PCSK9: variants seen among roughly 807,000 people sequenced by gnomAD.
PCSK9 encodes the protein convertase subtilisin/kexin type 9 preproprotein.
In PCSK9, 57 loss-of-function variants were observed where a neutral mutation model predicts 62.1. The observed-to-expected ratio is 0.92, with a 90% CI of 0.74 to 1.14. The LOEUF (loss-of-function observed/expected upper bound fraction) is 1.14, where lower values mean the gene tolerates loss of function less well. Ranked by LOEUF, PCSK9 falls within the 50% of genes most tolerant of loss-of-function variation. The probability of loss-of-function intolerance (pLI) is 0.00; values close to 1 mark genes in which losing one functional copy is unlikely to be tolerated. For synonymous variants in PCSK9, 387 were observed against 409.4 expected (o/e 0.95, Z 0.66); for missense variants, 870 against 959.8 (o/e 0.91, Z 1.24).
rs371336612 is a variant in PCSK9, at chr1:55,052,648, A to C, written c.658-2A>C. On this transcript the variant is annotated splice_acceptor_variant, in intron 4 of 11. Coordinates refer to ENST00000302118, the MANE Select transcript of PCSK9 (RefSeq NM_174936.4). LOFTEE classifies it high-confidence loss of function. ...CATGTGGTCCTTGTGTTCGTCGAGC[A>C]GGCCAGCAAGTGTGACAGTCATGGC... 5.6e-6 allele frequency: 9 copies of C among 1,612,762 alleles called. No individual in the cohort carries two copies. Among genetic ancestry groups the C allele is most frequent in the Admixed American group, 1.7e-5 (1 of 59,990 alleles).
chr1:55,048,134 T>C (rs1038279604), intron 3 of PCSK9, among the ~76,000 whole-genome samples: 2 of 152,102 alleles, frequency 1.3e-5, no homozygotes, highest in African/African-American at 4.8e-5. Flanking sequence ...AGGACCACTT[T>C]CTCCCGGGGG....
intron 10 of PCSK9, among the ~76,000 whole-genome samples, chr1:55,060,414 G>A (rs1412498117): frequency 6.6e-6 from 1 of 152,166 alleles, no homozygotes; most frequent in Admixed American, 6.5e-5. Flanking sequence ...ACGTCCAGGG[G>A]AACCACTGAG....
rs1644788631 is a variant in PCSK9 at position 55,064,661 on chromosome 1, C to T, written c.*1077C>T. ...CGGGGGAGAGGGCCAACAACTGTCCCTCCTTGAGCACCAGCCCCACCCAAG... is the reference window on the plus strand; with the variant it reads ...CGGGGGAGAGGGCCAACAACTGTCCTTCCTTGAGCACCAGCCCCACCCAAG... On this transcript the variant is annotated 3_prime_UTR_variant, in exon 12 of 12. Coordinates refer to ENST00000302118, the MANE Select transcript of PCSK9 (RefSeq NM_174936.4). 6.6e-6 allele frequency: 1 copy of T among 152,216 alleles called. No individual in the cohort carries two copies. Among genetic ancestry groups the T allele is most frequent in the African/African-American group, 2.4e-5 (1 of 41,438 alleles). 9.4% of individuals were successfully genotyped at this position (152,216 alleles called of 1,614,324 possible).
chr1:55,046,724 T>C, intron 3 of PCSK9, 78 bp downstream of exon 3: 1 of 1,569,940 alleles, frequency 6.4e-7, no homozygotes, highest in Non-Finnish European at 8.7e-7. Flanking sequence ...GCCTCCCTGC[T>C]GGTGGTTTCC....
At position 55,047,797 on chromosome 1, in the gene PCSK9, G is replaced by A. The variant is rs187408994; in HGVS notation, c.523+1151G>A. On this transcript the variant is annotated intron_variant, in intron 3 of 11. Coordinates refer to ENST00000302118, the MANE Select transcript of PCSK9 (RefSeq NM_174936.4). ...CCTGGTCGGTCATGTGTGCTGACCC[G>A]GCCTGGGCAGCCTGTGGCCAGGGAG... Among the ~76,000 whole-genome samples the A allele has an allele frequency of 2.5e-3, 379 of 152,300 alleles. 2 individuals are homozygous for A. Among genetic ancestry groups the A allele is most frequent in the South Asian group, 0.011 (51 of 4,828 alleles).
chr1:55,057,414 C>T lies in PCSK9; in HGVS notation c.1080C>T (p.Asp360=). The change falls in exon 7 of 12, where the codon GAC becomes GAT. Residue 360 remains aspartate, a synonymous_variant. Transcript: ENST00000302118. ...TLGTNFGRCV[D]LFAPGEDIIG... is the part of the protein sequence containing the mutation. ...GGACCAACTTTGGCCGCTGTGTGGA[C>T]CTCTTTGCCCCAGGGGAGGACATCA... 6.2e-7 allele frequency: 1 copy of T among 1,614,166 alleles called. No individual in the cohort carries two copies. The highest frequency in any genetic ancestry group is 8.5e-7 in the Non-Finnish European group (1 of 1,180,050).
At position 55,063,697 on chromosome 1, in the gene PCSK9, G is replaced by C. The variant is rs1286923206; in HGVS notation, c.*113G>C. 8.0e-7 allele frequency: 1 copy of C among 1,256,832 alleles called. No homozygotes were observed. The allele number at this position is 1,256,832 out of a possible 1,614,324, so 77.9% of individuals were successfully genotyped here. On this transcript the variant is annotated 3_prime_UTR_variant, in exon 12 of 12. Transcript: ENST00000302118. ...TCCATGGCCTGGCACGAGGGGATGGGGATGCTTCCGCCTTTCCGGGGCTGC... is the reference window on the plus strand; with the variant it reads ...TCCATGGCCTGGCACGAGGGGATGGCGATGCTTCCGCCTTTCCGGGGCTGC...
rs779641062 is a variant in PCSK9 at position 55,063,665 on chromosome 1, T to C, written c.*81T>C. ...AAAATGGTTCCGACTTGTCCCTCTC[T>C]CAGCCCTCCATGGCCTGGCACGAGG... On this transcript the variant is annotated 3_prime_UTR_variant, in exon 12 of 12. Coordinates refer to ENST00000302118, the MANE Select transcript of PCSK9 (RefSeq NM_174936.4). 4.8e-6 allele frequency: 7 copies of C among 1,456,084 alleles called. No homozygotes were observed. Among genetic ancestry groups the C allele is most frequent in the Non-Finnish European group, 6.5e-6 (7 of 1,081,392 alleles). 90.2% of individuals were successfully genotyped at this position (1,456,084 alleles called of 1,614,324 possible). A position where few individuals can be genotyped will look rare whatever the true frequency, so the allele number is the denominator to read the frequency against.
chr1:55,052,843 A>C (rs1644686122), intron 5 of PCSK9, 52 bp downstream of exon 5: 1 of 1,612,210 alleles, frequency 6.2e-7, no homozygotes, highest in African/African-American at 1.3e-5. Context: ...CTGGCCTGGG[A>C]GGTGGCTTGG....
chr1:55,059,546 G>A lies in PCSK9; in HGVS notation c.1564G>A (p.Ala522Thr), dbSNP rs777300852. The A allele has an allele frequency of 1.7e-5, 26 of 1,560,200 alleles. No homozygotes were observed. The highest frequency in any genetic ancestry group is 1.4e-4 in the East Asian group (6 of 42,384). The change falls in exon 10 of 12, where the codon GCC becomes ACC. Residue 522 changes from alanine to threonine, a missense_variant. Physicochemically the swap from Ala to Thr is moderately conservative, Grantham distance 58 (BLOSUM62 0). Coordinates refer to ENST00000302118, the MANE Select transcript of PCSK9 (RefSeq NM_174936.4). ...HNAFGGEGVYAIARCCLLPQA... is the reference protein window; with the variant it reads ...HNAFGGEGVYTIARCCLLPQA... Reference sequence around the variant, plus strand: ...CGCTTTTGGGGGTGAGGGTGTCTACGCCATTGCCAGGTGCTGCCTGCTACC... The same window carrying A: ...CGCTTTTGGGGGTGAGGGTGTCTACACCATTGCCAGGTGCTGCCTGCTACC...
chr1:55,064,000 G>A lies in PCSK9; in HGVS notation c.*416G>A. ...CTTCCCATGGATAGGGGAGGGGGCG[G>A]TAGGGGCTGCAGGGACAAACATCGT... On this transcript the variant is annotated 3_prime_UTR_variant, in exon 12 of 12. Coordinates refer to ENST00000302118, the MANE Select transcript of PCSK9 (RefSeq NM_174936.4). 1 of 205,794 alleles carries A rather than the reference G, an allele frequency of 4.9e-6. No individual in the cohort carries two copies. The highest frequency in any genetic ancestry group is 9.9e-6 in the Non-Finnish European group (1 of 101,418). 12.7% of individuals were successfully genotyped at this position (205,794 alleles called of 1,614,324 possible). A position where few individuals can be genotyped will look rare whatever the true frequency, so the allele number is the denominator to read the frequency against.
At chr1:55,052,213 TG>T in intron 3 of PCSK9, 64 bp from the exon 4 acceptor site, 1 of 1,607,058 alleles carries the variant, frequency 6.2e-7, no homozygotes, top group Non-Finnish European at 8.5e-7. Flanking sequence ...GTAGTTTCTG[TG>T]TGTTAACTAT....
intron 3 of PCSK9, chr1:55,051,601 T>C (rs901585491): frequency 8.7e-6 from 2 of 228,826 alleles, no homozygotes; most frequent in Admixed American, 5.3e-5. Flanking sequence ...CTCTTGCAGC[T>C]TTTACCCCAG....
chr1:55,052,776 A>T lies in PCSK9; in HGVS notation c.784A>T (p.Ser262Cys). Residue 262 changes from serine (S) to cysteine (C), a missense_variant, in exon 5 of 12, where the codon AGC (serine) becomes TGC (cysteine). By Grantham distance (112) the Ser-to-Cys change is moderately radical (BLOSUM62 -1). Coordinates refer to ENST00000302118, the MANE Select transcript of PCSK9 (RefSeq NM_174936.4). Reference sequence around the variant, plus strand: ...CAACTGCCAAGGGAAGGGCACGGTTAGCGGCACCCTCATAGGTAAGTGATG... The same window carrying T: ...CAACTGCCAAGGGAAGGGCACGGTTTGCGGCACCCTCATAGGTAAGTGATG... ...VLNCQGKGTV[S>C]GTLIGLEFIR... 1.2e-6 allele frequency: 2 copies of T among 1,613,140 alleles called. No individual in the cohort carries two copies. The highest frequency in any genetic ancestry group is 1.7e-6 in the Non-Finnish European group (2 of 1,179,974).
In PCSK9 at chr1:55,052,648, A is replaced by G. The variant is rs371336612; in HGVS notation, c.658-2A>G. The G allele has an allele frequency of 5.0e-6, 8 of 1,612,880 alleles. No homozygotes were observed. Among genetic ancestry groups the G allele is most frequent in the Middle Eastern group, 3.3e-4 (2 of 6,062 alleles). On this transcript the variant is annotated splice_acceptor_variant, in intron 4 of 11. Transcript: ENST00000302118. LOFTEE classifies it high-confidence loss of function. ...CATGTGGTCCTTGTGTTCGTCGAGC[A>G]GGCCAGCAAGTGTGACAGTCATGGC...
intron 4 of PCSK9, 101 bp downstream of exon 4, chr1:55,052,512 G>A: frequency 6.4e-7 from 1 of 1,552,826 alleles, no homozygotes; most frequent in African/African-American, 1.4e-5. Context: ...GTACTCCTGG[G>A]TTGCACCCCC....
rs886039837 is a variant in PCSK9, at chr1:55,039,830, T to C, written c.-8T>C. ...CTCGCCAGGACAGCAACCTCTCCCC[T>C]GGCCCTCATGGGCACCGTCAGCTCC... On this transcript the variant is annotated 5_prime_UTR_variant, in exon 1 of 12. Coordinates refer to ENST00000302118, the MANE Select transcript of PCSK9 (RefSeq NM_174936.4). 15 of 1,566,640 alleles carry C rather than the reference T, an allele frequency of 9.6e-6. No homozygotes were observed. The highest frequency in any genetic ancestry group is 1.2e-5 in the Non-Finnish European group (14 of 1,156,836).
rs146960060 is a variant in PCSK9, at chr1:55,058,539, G to A, written c.1395G>A (p.Ser465=). Residue 465 remains serine (S), a synonymous_variant, in exon 9 of 12, where the codon TCG becomes TCA. Coordinates refer to ENST00000302118, the MANE Select transcript of PCSK9 (RefSeq NM_174936.4). The part of the protein sequence containing the change: ...LFCRTVWSAH[S]GPTRMATAVA... ...GCAGGACTGTATGGTCAGCACACTCGGGGCCTACACGGATGGCCACAGCCG... is the reference window on the plus strand; with the variant it reads ...GCAGGACTGTATGGTCAGCACACTCAGGGCCTACACGGATGGCCACAGCCG... 820 of 1,611,966 alleles carry A rather than the reference G, an allele frequency of 5.1e-4. 3 individuals are homozygous for A. In the African/African-American group the frequency reaches 9.8e-3, roughly 19 times the overall value.
intron 10 of PCSK9, 93 bp downstream of exon 10, chr1:55,059,756 A>G: frequency 6.9e-7 from 1 of 1,451,906 alleles, no homozygotes; most frequent in South Asian, 1.3e-5. Flanking sequence ...AGTGTGATCC[A>G]TGAGACTCAA....
Sources: gnomAD v4.1 joint callset for allele counts (sites outside exome capture counted in the v4.1 genomes callset) on GRCh38, gnomAD v4.1.1 for gene constraint, MANE v1.5 for transcripts, NCBI Gene and HGNC (gene_info 2026-07-23, HGNC 2026-07-21) for gene names.